Variants in CHST11 observed in about 807,000 individuals in gnomAD.
CHST11 encodes the protein carbohydrate sulfotransferase 11.
Under a neutral mutation model 30.4 loss-of-function variants are expected in CHST11, and 9 were observed. The observed-to-expected ratio is 0.30, with a 90% confidence interval of 0.18 to 0.52. The LOEUF is 0.52. Among genes scored for constraint, CHST11 ranks in the 20% least tolerant of loss-of-function variants. The probability of loss-of-function intolerance (pLI) is 0.97; values close to 1 mark genes in which losing one functional copy is unlikely to be tolerated. For missense variants in CHST11, 348 were observed against 460.6 expected, an observed-to-expected ratio of 0.76 and a Z score of 2.24; for synonymous variants, 152 against 187.8, an observed-to-expected ratio of 0.81 and a Z score of 1.56.
At chr12:104,544,769 T>TCCCCCCCCGCCCGC (rs199741884) in intron 1 of CHST11, among the ~76,000 whole-genome samples, 1 of 51,414 alleles carries the variant, frequency 1.9e-5, no homozygotes, top group African/African-American at 5.3e-5. Context: ...GGGGTCACAG[T>TCCCCCCCCGCCCGC]CCCCCCACCC....
At chr12:104,525,238 G>T (rs2135990828) in intron 1 of CHST11, among the ~76,000 whole-genome samples, 1 of 152,020 alleles carries the variant, frequency 6.6e-6, no homozygotes, top group African/African-American at 2.4e-5. Flanking sequence ...CAGTCCTCCT[G>T]CCTCAGCCTG....
chr12:104,699,530 A>G (rs1379151642), intron 2 of CHST11, among the ~76,000 whole-genome samples: 2 of 152,236 alleles, frequency 1.3e-5, no homozygotes, highest in Non-Finnish European at 2.9e-5. Context: ...TCTATGGGAC[A>G]GCACTGGTCT....
At chr12:104,739,225 G>A (rs920819010) in intron 2 of CHST11, among the ~76,000 whole-genome samples, 2 of 152,218 alleles carry the variant, frequency 1.3e-5, no homozygotes, top group Admixed American at 6.5e-5. Flanking sequence ...CTTCAACCAG[G>A]GGAGGCAGGG....
intron 1 of CHST11, among the ~76,000 whole-genome samples, chr12:104,554,077 G>A (rs573603796): frequency 4.6e-5 from 7 of 152,268 alleles, no homozygotes; most frequent in African/African-American, 9.6e-5. Flanking sequence ...CAAAGCCATC[G>A]AGAGAGTGAT....
chr12:104,522,208 G>A (rs2038080611), intron 1 of CHST11, among the ~76,000 whole-genome samples: 2 of 152,154 alleles, frequency 1.3e-5, no homozygotes, highest in Admixed American at 1.3e-4. Context: ...GGAGCACAGA[G>A]CGAACTTCCT....
At chr12:104,739,226 G>C (rs1055804917) in intron 2 of CHST11, among the ~76,000 whole-genome samples, 4 of 152,210 alleles carry the variant, frequency 2.6e-5, no homozygotes, top group African/African-American at 4.8e-5. Context: ...TTCAACCAGG[G>C]GAGGCAGGGA....
In CHST11 at chr12:104,457,476, GCTTGGGATC is replaced by G; in HGVS notation, c.69_77del (p.Leu23_Ser25del). 6.2e-7 allele frequency: 1 copy of G among 1,614,208 alleles called. No homozygotes were observed. Among genetic ancestry groups the G allele is most frequent in the African/African-American group, 1.3e-5 (1 of 75,082 alleles). ...ATCTGCCGGATGGTGCTGGCCACTT[GCTTGGGATC>G]CTTTATCCTGGTCATCTTCTATTTC... On this transcript the variant is annotated inframe_deletion, in exon 1 of 3. Transcript: ENST00000303694.
chr12:104,557,391 TC>T (rs2136013935), intron 1 of CHST11, among the ~76,000 whole-genome samples: 1 of 152,170 alleles, frequency 6.6e-6, no homozygotes, highest in African/African-American at 2.4e-5. Context: ...TTGGACCTGA[TC>T]CTGGACTAGG....
At chr12:104,656,436 G>C (rs940542351) in intron 2 of CHST11, among the ~76,000 whole-genome samples, 1 of 152,130 alleles carries the variant, frequency 6.6e-6, no homozygotes, top group Admixed American at 6.5e-5. Flanking sequence ...ATAGTGCCTT[G>C]ACCTGAGCAC....
intron 1 of CHST11, among the ~76,000 whole-genome samples, chr12:104,534,449 G>A (rs1349350200): frequency 6.6e-6 from 1 of 152,196 alleles, no homozygotes; most frequent in African/African-American, 2.4e-5. Flanking sequence ...TTTCCAAGTT[G>A]CGGTTAGTCA....
At chr12:104,683,409 C>T (rs1352649791) in intron 2 of CHST11, among the ~76,000 whole-genome samples, 2 of 152,194 alleles carry the variant, frequency 1.3e-5, no homozygotes, top group South Asian at 4.1e-4. Flanking sequence ...ATTTTCACTT[C>T]GAATCACATT....
At chr12:104,719,881 C>T (rs551216478) in intron 2 of CHST11, among the ~76,000 whole-genome samples, 34 of 152,314 alleles carry the variant, frequency 2.2e-4, no homozygotes, top group African/African-American at 6.7e-4. Flanking sequence ...GCTGCTTCTA[C>T]GTAACAATCC....
chr12:104,749,375 T>G (rs912489055), intron 2 of CHST11, among the ~76,000 whole-genome samples: 2 of 152,244 alleles, frequency 1.3e-5, no homozygotes, highest in African/African-American at 2.4e-5. Context: ...AGATTCTAAA[T>G]CCCAGCCCTC....
intron 2 of CHST11, among the ~76,000 whole-genome samples, chr12:104,634,306 C>T (rs1208228347): frequency 1.3e-5 from 2 of 152,166 alleles, no homozygotes; most frequent in Admixed American, 6.5e-5. Flanking sequence ...TGATGGCTGC[C>T]ATTTGGCCAT....
At chr12:104,754,545 G>A (rs372122345) in intron 2 of CHST11, among the ~76,000 whole-genome samples, 1 of 152,178 alleles carries the variant, frequency 6.6e-6, no homozygotes, top group African/African-American at 2.4e-5. Context: ...GAACTGCAGG[G>A]CTTCCTAATA....
At chr12:104,487,020 C>T (rs2037686331) in intron 1 of CHST11, among the ~76,000 whole-genome samples, 1 of 152,168 alleles carries the variant, frequency 6.6e-6, no homozygotes, top group South Asian at 2.1e-4. Flanking sequence ...AAAGTCCTCT[C>T]TTGGTTTTCG....
chr12:104,660,507 A>G (rs2039589509), intron 2 of CHST11, among the ~76,000 whole-genome samples: 1 of 152,234 alleles, frequency 6.6e-6, no homozygotes, highest in Non-Finnish European at 1.5e-5. Flanking sequence ...TATGGAGGAC[A>G]TGAAAGCTCA....
chr12:104,471,800 T>C (rs2037511450), intron 1 of CHST11, among the ~76,000 whole-genome samples: 1 of 152,180 alleles, frequency 6.6e-6, no homozygotes, highest in African/African-American at 2.4e-5. Context: ...AGAAATCCAA[T>C]GTGTATTTTT....
rs1357999607 is a variant in CHST11, at chr12:104,457,288, C to G, written c.-124C>G. 3 of 639,444 alleles carry G rather than the reference C, an allele frequency of 4.7e-6. No individual in the cohort carries two copies. Among genetic ancestry groups the G allele is most frequent in the Non-Finnish European group, 8.2e-6 (3 of 365,756 alleles). 39.6% of individuals were successfully genotyped at this position (639,444 alleles called of 1,614,324 possible). A position where few individuals can be genotyped will look rare whatever the true frequency, so the allele number is the denominator to read the frequency against. On this transcript the variant is annotated 5_prime_UTR_variant, in exon 1 of 3. Coordinates refer to ENST00000303694, the MANE Select transcript of CHST11 (RefSeq NM_018413.6). ...GCGGCCGCGAAGCGACTCCGATCCT[C>G]CCTCTGAGCCTTGCTCAGCTCTGCC...
Sources: allele counts gnomAD v4.1 joint callset (sites outside exome capture counted in the v4.1 genomes callset), GRCh38; gene constraint gnomAD v4.1.1; transcripts MANE v1.5; gene names NCBI Gene and HGNC (gene_info 2026-07-23, HGNC 2026-07-21).